BCAR3: variants seen among roughly 807,000 people sequenced by gnomAD.
The protein encoded by BCAR3 is breast cancer anti-estrogen resistance protein 3.
A neutral mutation model predicts 80.1 loss-of-function variants in BCAR3; 37 were observed. The observed-to-expected ratio is 0.46, with a 90% CI of 0.36 to 0.61. BCAR3 has a LOEUF of 0.61. BCAR3 is among the 20% of genes least tolerant of loss of function. The pLI is 0.00. For missense variants in BCAR3, 978 were observed against 1,068.2 expected, an observed-to-expected ratio of 0.92 and a Z score of 1.18; for synonymous variants, 389 against 418.9, an observed-to-expected ratio of 0.93 and a Z score of 0.87.
At chr1:93,805,501 C>T (rs1032796406) in intron 2 of BCAR3, among the ~76,000 whole-genome samples, 5 of 152,220 alleles carry the variant, frequency 3.3e-5, no homozygotes, top group African/African-American at 1.2e-4. Flanking sequence ...TCTCTGAAGA[C>T]ACTGTATAGA....
chr1:93,632,466 CTT>C (rs1675655315), intron 3 of BCAR3, among the ~76,000 whole-genome samples: 1 of 152,162 alleles, frequency 6.6e-6, no homozygotes, highest in African/African-American at 2.4e-5. Context: ...CTATGATACT[CTT>C]AGGTGATGCT....
At chr1:93,692,348 C>T (rs774180272) in intron 3 of BCAR3, among the ~76,000 whole-genome samples, 32 of 152,080 alleles carry the variant, frequency 2.1e-4, no homozygotes, top group South Asian at 1.9e-3. Context: ...ATGGTGCTGT[C>T]GACAGTACTG....
chr1:93,847,543 C>T (rs954362016), upstream of BCAR3: 1 of 152,764 alleles, frequency 6.5e-6, no homozygotes, highest in African/African-American at 2.4e-5. Context: ...TCTGGCTTAA[C>T]ATAGCAGATG....
intron 1 of BCAR3, among the ~76,000 whole-genome samples, chr1:93,680,824 T>G (rs1312395030): frequency 2.0e-5 from 3 of 151,962 alleles, no homozygotes; most frequent in East Asian, 3.9e-4. Flanking sequence ...CCGCTCAACC[T>G]CCTCCTCGAC....
chr1:93,685,669 G>C (rs1413472988), upstream of BCAR3, among the ~76,000 whole-genome samples: 3 of 152,254 alleles, frequency 2.0e-5, no homozygotes, highest in African/African-American at 7.2e-5. Context: ...CTGAGTCCAA[G>C]GGTATATGCA....
At chr1:93,818,475 G>T (rs190798317) in intron 2 of BCAR3, among the ~76,000 whole-genome samples, 9 of 152,328 alleles carry the variant, frequency 5.9e-5, no homozygotes, top group African/African-American at 2.2e-4. Flanking sequence ...TACTGTCGTG[G>T]TTGTGGGTGT....
intron 2 of BCAR3, among the ~76,000 whole-genome samples, chr1:93,670,597 A>T (rs1467381956): frequency 6.6e-6 from 1 of 152,160 alleles, no homozygotes; most frequent in Non-Finnish European, 1.5e-5. Context: ...TCAGTTATCC[A>T]TTAAGGTATG....
At chr1:93,759,792 G>A (rs558795284) in intron 2 of BCAR3, among the ~76,000 whole-genome samples, 1 of 152,230 alleles carries the variant, frequency 6.6e-6, no homozygotes, top group African/African-American at 2.4e-5. Flanking sequence ...AGGAGGTGCT[G>A]CTGAGGTCCA....
intron 2 of BCAR3, among the ~76,000 whole-genome samples, chr1:93,798,386 A>G (rs1487620294): frequency 6.6e-6 from 1 of 152,172 alleles, no homozygotes; most frequent in African/African-American, 2.4e-5. Context: ...CAGCAAAATT[A>G]TCTCCTTCAC....
intron 2 of BCAR3, among the ~76,000 whole-genome samples, chr1:93,804,118 C>T (rs572426914): frequency 6.6e-6 from 1 of 152,284 alleles, no homozygotes; most frequent in East Asian, 1.9e-4. Context: ...TGGGACCAGC[C>T]TATACAACAC....
chr1:93,807,105 A>T (rs993348211), intron 2 of BCAR3, among the ~76,000 whole-genome samples: 4 of 151,982 alleles, frequency 2.6e-5, no homozygotes, highest in Admixed American at 2.6e-4. Flanking sequence ...ACCCTATCTC[A>T]AAAGAAAAAA....
Position 93,583,970 on chromosome 1 carries a change from A to G in BCAR3, c.1033+48T>C, listed in dbSNP as rs1341581466. On this transcript the variant is annotated intron_variant, in intron 6 of 11. Transcript: ENST00000260502. ...ATGGGGCAGGGTAACAGCCTGAAGG[A>G]AACCAGGGTAACACTGACGTTCTCC... 1.9e-6 allele frequency: 3 copies of G among 1,570,120 alleles called. No homozygotes were observed. In the African/African-American group the frequency reaches 4.1e-5, roughly 21 times the overall value.
At chr1:93,722,177 G>T (rs996428693) in intron 2 of BCAR3, among the ~76,000 whole-genome samples, 8 of 152,172 alleles carry the variant, frequency 5.3e-5, no homozygotes, top group Admixed American at 2.6e-4. Flanking sequence ...GGGCCTGGGG[G>T]TGACCTGGCT....
chr1:93,740,689 T>A (rs751011669), intron 2 of BCAR3, among the ~76,000 whole-genome samples: 12 of 152,050 alleles, frequency 7.9e-5, no homozygotes, highest in Admixed American at 1.3e-4. Context: ...GATCAGTCGC[T>A]CAGCGGAGCA....
chr1:93,696,095 CAGTG>C (rs1649386441), intron 3 of BCAR3, among the ~76,000 whole-genome samples: 1 of 151,240 alleles, frequency 6.6e-6, no homozygotes, highest in Non-Finnish European at 1.5e-5. Flanking sequence ...GGCTGGAGTG[CAGTG>C]GCAAAATCAA....
At chr1:93,622,018 C>G (rs985375011) in intron 3 of BCAR3, among the ~76,000 whole-genome samples, 3 of 152,136 alleles carry the variant, frequency 2.0e-5, no homozygotes, top group Non-Finnish European at 4.4e-5. Flanking sequence ...ACTACAGGCA[C>G]CCGCCACCAT....
chr1:93,799,317 G>A (rs894222847), intron 2 of BCAR3, among the ~76,000 whole-genome samples: 31 of 152,184 alleles, frequency 2.0e-4, no homozygotes, highest in Non-Finnish European at 4.1e-4. Flanking sequence ...GCCCTTGTAA[G>A]ATTTTCCTTT....
intron 11 of BCAR3, among the ~76,000 whole-genome samples, chr1:93,563,473 T>A (rs1490444368): frequency 6.6e-6 from 1 of 152,242 alleles, no homozygotes; most frequent in Non-Finnish European, 1.5e-5. Flanking sequence ...TTCTGGCTGC[T>A]ATGAGTAAGT....
chr1:93,797,541 A>G (rs1413354312), intron 2 of BCAR3, among the ~76,000 whole-genome samples: 1 of 152,104 alleles, frequency 6.6e-6, no homozygotes, highest in Admixed American at 6.6e-5. Flanking sequence ...ACCTGTAATT[A>G]TCTCATGGGA....
Sources: gnomAD v4.1 joint callset for allele counts (sites outside exome capture counted in the v4.1 genomes callset) on GRCh38, gnomAD v4.1.1 for gene constraint, MANE v1.5 for transcripts, NCBI Gene and HGNC (gene_info 2026-07-23, HGNC 2026-07-21) for gene names.